The following ZNF462 variants were observed in gnomAD, a reference collection of about 807,000 sequenced individuals.
The protein encoded by ZNF462 is zinc finger protein 462, also known as zinc finger PBX1-interacting protein.
Under a neutral mutation model 201.9 loss-of-function variants are expected in ZNF462, and 10 were observed. The ratio of observed to expected loss-of-function variants is 0.05; its 90% CI spans 0.03 to 0.08. The LOEUF is 0.08. Ranked by LOEUF, ZNF462 falls within the 10% of genes least tolerant of loss-of-function variation. ZNF462 has a pLI of 1.00. For missense variants in ZNF462, 2,523 were observed against 3,168.3 expected, an observed-to-expected ratio of 0.80 and a Z score of 4.89; for synonymous variants, 1,227 against 1,193.3, an observed-to-expected ratio of 1.03 and a Z score of -0.58.
intron 7 of ZNF462, among the ~76,000 whole-genome samples, chr9:106,953,103 T>C (rs1337512486): frequency 2.0e-5 from 3 of 152,246 alleles, no homozygotes; most frequent in African/African-American, 4.8e-5. Context: ...TGCGATCTTA[T>C]CTTCCAAATC....
chr9:106,991,839 TACACAC>T (rs200978759), intron 10 of ZNF462, among the ~76,000 whole-genome samples: 11,453 of 136,222 alleles, frequency 0.084, 611 homozygotes, highest in African/African-American at 0.16. Flanking sequence ...CAGCACTCTC[TACACAC>T]ACACACACAC....
Position 106,984,254 on chromosome 9 carries a change from C to A in ZNF462, c.6901C>A (p.Arg2301Ser). 6.2e-7 allele frequency: 1 copy of A among 1,613,990 alleles called. No homozygotes were observed. The highest frequency in any genetic ancestry group is 1.1e-5 in the South Asian group (1 of 91,078). Reference sequence around the variant, plus strand: ...CAAATACTTGCAGGGAGTAGTTTTCCGCTGTGATAAGTGTACCTTCACCTG... The same window carrying A: ...CAAATACTTGCAGGGAGTAGTTTTCAGCTGTGATAAGTGTACCTTCACCTG... ...LSKYLQGVVF[R>S]CDKCTFTCSS... is the part of the protein sequence containing the mutation. Residue 2301 changes from arginine (R) to serine (S), a missense_variant, in exon 10 of 13, where the codon CGC (arginine) becomes AGC (serine). Transcript: ENST00000277225. This position sits in a 1 kb window ranked among gnomAD's most constrained non-coding sequence, Gnocchi z 6.4.
Position 106,939,009 on chromosome 9 carries a change from T to C in ZNF462, c.6329T>C (p.Leu2110Pro). ...TCCCTCAAGGTCCACGGAAAAGCCC[T>C]GACCCTCCCCAGGCCACGGATCGTC... ...EHSLKVHGKALTLPRPRIVSL... is the reference protein window; with the variant it reads ...EHSLKVHGKAPTLPRPRIVSL... The change falls in exon 7 of 13, where the codon CTG becomes CCG. Residue 2110 changes from leucine to proline, a missense_variant. By Grantham distance (98) the Leu-to-Pro change is moderately conservative. Transcript: ENST00000277225. 6.2e-7 allele frequency: 1 copy of C among 1,614,034 alleles called. No individual in the cohort carries two copies. The highest frequency in any genetic ancestry group is 8.5e-7 in the Non-Finnish European group (1 of 1,179,962).
In ZNF462 at chr9:106,895,225, A is replaced by G. The variant is rs1410277884; in HGVS notation, c.-30-28129A>G. 6.6e-6 allele frequency among the ~76,000 whole-genome samples: 1 copy of G among 152,186 alleles called. No individual in the cohort carries two copies. The highest frequency in any genetic ancestry group is 1.5e-5 in the Non-Finnish European group (1 of 68,024). On this transcript the variant is annotated intron_variant, in intron 1 of 12. Coordinates refer to ENST00000277225, the MANE Select transcript of ZNF462 (RefSeq NM_021224.6). The surrounding 1 kb of genome is among the most constrained non-coding windows in gnomAD (Gnocchi z 4.4). ...TACCAAAGAGTAGACTGTTCTTGAC[A>G]TATGTTAGAAAAAATTGAGCTTAGA...
rs1237275728 is a variant in ZNF462, at chr9:106,977,601, C to A, written c.6832+3328C>A. On this transcript the variant is annotated intron_variant, in intron 9 of 12. Coordinates refer to ENST00000277225, the MANE Select transcript of ZNF462 (RefSeq NM_021224.6). The surrounding 1 kb of genome is among the most constrained non-coding windows in gnomAD (Gnocchi z 4.6). ...ACATTCATTATTTGCTTGTTACGTG[C>A]CACGCTATGCTTGGTTCTTTGGGCA... 6.6e-6 allele frequency among the ~76,000 whole-genome samples: 1 copy of A among 151,530 alleles called. No homozygotes were observed. Among genetic ancestry groups the A allele is most frequent in the Non-Finnish European group, 1.5e-5 (1 of 68,028 alleles).
In ZNF462 at chr9:107,012,695, A is replaced by G. The variant is rs1424344270; in HGVS notation, c.*1665A>G. The G allele has an allele frequency of 7.8e-6, 1 of 128,112 alleles. No individual in the cohort carries two copies. Among genetic ancestry groups the G allele is most frequent in the Admixed American group, 9.5e-5 (1 of 10,476 alleles). 7.9% of individuals were successfully genotyped at this position (128,112 alleles called of 1,614,324 possible). A position where few individuals can be genotyped will look rare whatever the true frequency, so the allele number is the denominator to read the frequency against. Reference sequence around the variant, plus strand: ...TGTGTGTGCATGTGTGCACGTGTGAATCCTTTGGTTTTCATGTTTTTTTTT... The same window carrying G: ...TGTGTGTGCATGTGTGCACGTGTGAGTCCTTTGGTTTTCATGTTTTTTTTT... On this transcript the variant is annotated 3_prime_UTR_variant, in exon 13 of 13. Coordinates refer to ENST00000277225, the MANE Select transcript of ZNF462 (RefSeq NM_021224.6).
Position 106,929,234 on chromosome 9 carries a change from C to T in ZNF462, c.5322C>T (p.Phe1774=). 4 of 1,614,178 alleles carry T rather than the reference C, an allele frequency of 2.5e-6. No individual in the cohort carries two copies. Among genetic ancestry groups the T allele is most frequent in the Non-Finnish European group, 3.4e-6 (4 of 1,180,032 alleles). Residue 1774 remains phenylalanine, a synonymous_variant, in exon 3 of 13, where the codon TTC becomes TTT. Transcript: ENST00000277225. The surrounding 1 kb of genome is among the most constrained non-coding windows in gnomAD (Gnocchi z 8.7). ...AGAAAAAGTGCTCCTTGTGCTCTTT[C>T]CAGTCGTTCAGCAAGAAGGGCATCG... ...VEKKKCSLCS[F]QSFSKKGIVS...
rs1829938081 is a variant in ZNF462 at position 106,920,266 on chromosome 9, C to A, written c.-30-3088C>A. 1.3e-5 allele frequency among the ~76,000 whole-genome samples: 2 copies of A among 152,160 alleles called. No homozygotes were observed. Among genetic ancestry groups the A allele is most frequent in the Admixed American group, 6.5e-5 (1 of 15,278 alleles). The stretch of plus-strand genomic sequence containing the variant: ...CTGTCCTTCTCTACTCCCTTCCCCT[C>A]CACTTGCTGTCACTTTTTGCACATG... On this transcript the variant is annotated intron_variant, in intron 1 of 12. Transcript: ENST00000277225. This position sits in a 1 kb window ranked among gnomAD's most constrained non-coding sequence, Gnocchi z 4.3.
At chr9:106,877,734 T>C (rs936300855) in intron 1 of ZNF462, among the ~76,000 whole-genome samples, 8 of 152,210 alleles carry the variant, frequency 5.3e-5, no homozygotes, top group Non-Finnish European at 1.0e-4. Context: ...ACTCTAACTT[T>C]GTCCAGAGCT....
At chr9:106,991,182 T>C (rs934815178) in intron 10 of ZNF462, among the ~76,000 whole-genome samples, 1 of 152,106 alleles carries the variant, frequency 6.6e-6, no homozygotes, top group Non-Finnish European at 1.5e-5. Context: ...AAAAAAAAGC[T>C]ACTAGAACAT....
upstream of ZNF462, among the ~76,000 whole-genome samples, chr9:106,862,339 G>T (rs1827092569): frequency 1.3e-5 from 2 of 152,026 alleles, no homozygotes; most frequent in Non-Finnish European, 2.9e-5. The surrounding 1 kb of genome is among the most constrained non-coding windows in gnomAD (Gnocchi z 4.2). Flanking sequence ...CGGGCTCGGC[G>T]CCTCGGGCAG....
At chr9:106,860,891 C>T (rs912813479), upstream of ZNF462, among the ~76,000 whole-genome samples, 4 of 151,984 alleles carry the variant, frequency 2.6e-5, no homozygotes, top group Non-Finnish European at 5.9e-5. This position sits in a 1 kb window ranked among gnomAD's most constrained non-coding sequence, Gnocchi z 7.1. Context: ...CGCACAAAGC[C>T]GGGATCATTT....
In ZNF462 at chr9:106,938,993, G is replaced by T; in HGVS notation, c.6313G>T (p.Val2105Phe). The change falls in exon 7 of 13, where the codon GTC (valine) becomes TTC (phenylalanine). Residue 2105 changes from valine to phenylalanine, a missense_variant. Val to Phe is a conservative substitution (Grantham distance 50). Transcript: ENST00000277225. This position sits in a 1 kb window ranked among gnomAD's most constrained non-coding sequence, Gnocchi z 4.4. Reference protein sequence around the residue: ...ISQLKEHSLKVHGKALTLPRP... With the variant: ...ISQLKEHSLKFHGKALTLPRP... ...CCAGCTGAAGGAACACTCCCTCAAG[G>T]TCCACGGAAAAGCCCTGACCCTCCC... 6.2e-7 allele frequency: 1 copy of T among 1,613,792 alleles called. No homozygotes were observed. The highest frequency in any genetic ancestry group is 8.5e-7 in the Non-Finnish European group (1 of 1,179,930).
intron 1 of ZNF462, among the ~76,000 whole-genome samples, chr9:106,911,789 T>TA (rs773297694): frequency 6.6e-6 from 1 of 152,198 alleles, no homozygotes; most frequent in Non-Finnish European, 1.5e-5. Flanking sequence ...GTTTAAAAGT[T>TA]AAAGATGATT....
At position 106,935,665 on chromosome 9, in the gene ZNF462, G is replaced by C. The variant is rs756129460; in HGVS notation, c.6235+44G>C. 4 of 1,501,488 alleles carry C rather than the reference G, an allele frequency of 2.7e-6. No homozygotes were observed. The Admixed American group carries it at 5.0e-5, about 19-fold the overall frequency. The allele number at this position is 1,501,488 out of a possible 1,614,324, so 93.0% of individuals were successfully genotyped here. On this transcript the variant is annotated intron_variant, in intron 6 of 12. Coordinates refer to ENST00000277225, the MANE Select transcript of ZNF462 (RefSeq NM_021224.6). The surrounding 1 kb of genome is among the most constrained non-coding windows in gnomAD (Gnocchi z 4.1). Reference sequence around the variant, plus strand: ...ATGCACAAGTTCTTTAGCACTCTCTGAGTTTGAAACCTGATGATCTTTATT... The same window carrying C: ...ATGCACAAGTTCTTTAGCACTCTCTCAGTTTGAAACCTGATGATCTTTATT...
chr9:106,965,457 T>A (rs1013823491), intron 7 of ZNF462, among the ~76,000 whole-genome samples: 1 of 151,922 alleles, frequency 6.6e-6, no homozygotes, highest in African/African-American at 2.4e-5. Context: ...AGGACCTCAA[T>A]GAACAAGGGG....
chr9:106,914,478 T>C (rs1191471665), intron 1 of ZNF462, among the ~76,000 whole-genome samples: 2 of 152,148 alleles, frequency 1.3e-5, no homozygotes, highest in East Asian at 1.9e-4. Context: ...TTACCGCTCG[T>C]TGGGACTACT....
rs1829908517 is a variant in ZNF462 at position 106,919,605 on chromosome 9, A to AC, written c.-30-3745dup. On this transcript the variant is annotated intron_variant, in intron 1 of 12. Transcript: ENST00000277225. The surrounding 1 kb of genome is among the most constrained non-coding windows in gnomAD (Gnocchi z 4.5). ...TTGGATTGTGGGTTTGCCCATCAAAACCCCACATTTTGAAATCCTTCAAAC... is the reference window on the plus strand; with the variant it reads ...TTGGATTGTGGGTTTGCCCATCAAAACCCCCACATTTTGAAATCCTTCAAAC... Among the ~76,000 whole-genome samples the AC allele has an allele frequency of 6.6e-6, 1 of 152,234 alleles. No homozygotes were observed. The highest frequency in any genetic ancestry group is 1.5e-5 in the Non-Finnish European group (1 of 68,036).
Position 106,927,845 on chromosome 9 carries a change from C to A in ZNF462, c.3933C>A (p.Gly1311=). The A allele has an allele frequency of 6.2e-7, 1 of 1,614,200 alleles. No individual in the cohort carries two copies. Among genetic ancestry groups the A allele is most frequent in the Non-Finnish European group, 8.5e-7 (1 of 1,180,050 alleles). The change falls in exon 3 of 13, where the codon GGC becomes GGA. Residue 1311 remains glycine, a synonymous_variant. Transcript: ENST00000277225. The stretch of plus-strand genomic sequence containing the variant: ...TTCTAGATGGCTTGATAGAAGCTGG[C>A]TACCACTGCGAGTGGTGCATCTACT... The part of the protein sequence containing the change: ...WAFLDGLIEA[G]YHCEWCIYSH...
Sources: gnomAD v4.1 joint callset for allele counts (sites outside exome capture counted in the v4.1 genomes callset) on GRCh38, gnomAD v4.1.1 for gene constraint, Gnocchi (gnomAD v3.1) non-coding constraint, MANE v1.5 for transcripts, NCBI Gene and HGNC (gene_info 2026-07-23, HGNC 2026-07-21) for gene names.